DDX43: variants seen among roughly 807,000 people sequenced by gnomAD.
DDX43 encodes the protein DEAD-box helicase 43.
Under a neutral mutation model 84.9 loss-of-function variants are expected in DDX43, and 50 were observed. That is an observed-to-expected ratio of 0.59 (90% CI 0.47 to 0.75). DDX43 has a LOEUF of 0.75. Ranked by LOEUF, DDX43 falls within the 30% of genes least tolerant of loss-of-function variation. The pLI is 0.00. For synonymous variants in DDX43, 291 were observed against 266.3 expected (o/e 1.09, Z -0.90); for missense variants, 689 against 798.6 (o/e 0.86, Z 1.65).
chr6:73,395,927 T>TG (rs1769462405), intron 1 of DDX43, among the ~76,000 whole-genome samples: 1 of 152,052 alleles, frequency 6.6e-6, no homozygotes, highest in Admixed American at 6.6e-5. Flanking sequence ...ACATCTTGAG[T>TG]GTTAACATTC....
intron 7 of DDX43, among the ~76,000 whole-genome samples, chr6:73,407,266 T>C (rs942265195): frequency 2.0e-5 from 3 of 152,084 alleles, no homozygotes; most frequent in African/African-American, 7.2e-5. Context: ...TACAGGCGCC[T>C]GCTGCCATGT....
chr6:73,414,357 T>C (rs934530079), intron 13 of DDX43, among the ~76,000 whole-genome samples, 191 bp from the exon 14 acceptor site: 8 of 152,254 alleles, frequency 5.3e-5, no homozygotes, highest in East Asian at 1.9e-4. Context: ...TCGAAGGGTT[T>C]AGGACCCATT....
At chr6:73,407,852 T>TA in intron 8 of DDX43, 108 bp from the exon 9 acceptor site, 1 of 1,097,162 alleles carries the variant, frequency 9.1e-7, no homozygotes, top group South Asian at 1.5e-5. Flanking sequence ...AAGGGGCAGA[T>TA]ACCCCTAAAG....
intron 1 of DDX43, 143 bp downstream of exon 1, chr6:73,395,298 C>T: frequency 2.7e-6 from 3 of 1,104,952 alleles, no homozygotes; most frequent in Non-Finnish European, 3.8e-6. Context: ...TTTGTAAAAC[C>T]TGGGGATAGA....
In DDX43 at chr6:73,407,599, T is replaced by G; in HGVS notation, c.1021T>G (p.Tyr341Asp). ...QVEGECCKYS[Y>D]KGLRSVCVYG... The stretch of plus-strand genomic sequence containing the variant: ...AGAAGGAGAATGTTGCAAATATTCA[T>G]ATAAAGGGCTTCGGAGGTAAGTAAT... Residue 341 changes from tyrosine (Y) to aspartate (D), a missense_variant, in exon 8 of 17, where the codon TAT becomes GAT. Around this residue, in one of 2 missense-constraint regions of DDX43, gnomAD observed 552 missense variants for 692.7 expected, o/e 0.80. Coordinates refer to ENST00000370336, the MANE Select transcript of DDX43 (RefSeq NM_018665.3). The G allele has an allele frequency of 6.2e-7, 1 of 1,611,068 alleles. No homozygotes were observed. The highest frequency in any genetic ancestry group is 1.1e-5 in the South Asian group (1 of 90,926).
chr6:73,396,240 G>A (rs1024209456), intron 1 of DDX43, among the ~76,000 whole-genome samples: 6 of 152,068 alleles, frequency 3.9e-5, no homozygotes, highest in African/African-American at 1.2e-4. Flanking sequence ...GCGTAAGCCC[G>A]GCCCATTTCT....
At chr6:73,409,091 T>C (rs111280925) in intron 9 of DDX43, among the ~76,000 whole-genome samples, 157 bp from the exon 10 acceptor site, 147 of 152,324 alleles carry the variant, frequency 9.7e-4, no homozygotes, top group African/African-American at 3.4e-3. Context: ...AATGACAAAT[T>C]GCTTAGTATT....
rs1412204556 is a variant in DDX43 at position 73,414,633 on chromosome 6, T to G, written c.1692T>G (p.Phe564Leu). The G allele has an allele frequency of 3.2e-5, 52 of 1,613,988 alleles. No individual in the cohort carries two copies. The Admixed American group carries it at 8.7e-4, about 27-fold the overall frequency. Residue 564 changes from phenylalanine (F) to leucine (L), a missense_variant, in exon 14 of 17, where the codon TTT becomes TTG. By Grantham distance (22) the Phe-to-Leu change is conservative. Transcript: ENST00000370336. ...TTACACATGTCTATAATTTTGACTT[T>G]CCACGGAATATTGAAGAATACGTAC... ...HDVTHVYNFD[F>L]PRNIEEYVHR...
At position 73,394,982 on chromosome 6, in the gene DDX43, C is replaced by T. The variant is rs1769433690; in HGVS notation, c.77C>T (p.Ala26Val). 6.2e-7 allele frequency: 1 copy of T among 1,614,226 alleles called. No homozygotes were observed. The highest frequency in any genetic ancestry group is 8.5e-7 in the Non-Finnish European group (1 of 1,180,038). ...CGGCGAAGCTCGACAGTGTCCCGAGCGCCAGAGAGGAGGCCGGCGGAGGAG... is the reference window on the plus strand; with the variant it reads ...CGGCGAAGCTCGACAGTGTCCCGAGTGCCAGAGAGGAGGCCGGCGGAGGAG... ...ASRRSSTVSRAPERRPAEELN... is the reference protein window; with the variant it reads ...ASRRSSTVSRVPERRPAEELN... The change falls in exon 1 of 17, where the codon GCG becomes GTG. Residue 26 changes from alanine (A) to valine (V), a missense_variant. Transcript: ENST00000370336.
At chr6:73,409,517 A>G (rs1181203076) in intron 10 of DDX43, among the ~76,000 whole-genome samples, 169 bp downstream of exon 10, 4 of 152,244 alleles carry the variant, frequency 2.6e-5, no homozygotes, top group African/African-American at 9.6e-5. Context: ...GTGCTTATTC[A>G]TGACTATTGG....
intron 4 of DDX43, among the ~76,000 whole-genome samples, chr6:73,403,344 C>G (rs1239220680): frequency 6.6e-6 from 1 of 152,114 alleles, no homozygotes; most frequent in African/African-American, 2.4e-5. Context: ...GTGGCACATG[C>G]CTGTAATCCC....
intron 6 of DDX43, 30 bp from the exon 7 acceptor site, chr6:73,406,334 T>C (rs770550274): frequency 1.3e-6 from 2 of 1,517,792 alleles, no homozygotes; most frequent in East Asian, 4.6e-5. Flanking sequence ...AGATGTACTT[T>C]TTGTGTTAAT....
intron 6 of DDX43, among the ~76,000 whole-genome samples, 171 bp downstream of exon 6, chr6:73,406,006 A>AT (rs1341693691): frequency 4.0e-5 from 6 of 151,376 alleles, no homozygotes. Context: ...AAGAAGGAAC[A>AT]GTTGGCAAAA....
chr6:73,411,530 T>G (rs2150799494), intron 10 of DDX43, among the ~76,000 whole-genome samples: 1 of 151,926 alleles, frequency 6.6e-6, no homozygotes, highest in African/African-American at 2.4e-5. Flanking sequence ...ACTTTCCCCA[T>G]GTTGACCAGG....
chr6:73,410,152 C>T (rs553310145), intron 10 of DDX43, among the ~76,000 whole-genome samples: 1 of 152,036 alleles, frequency 6.6e-6, no homozygotes, highest in East Asian at 1.9e-4. Flanking sequence ...AATAACCTTC[C>T]TATTTCAAGA....
chr6:73,404,616 A>ATTTCTGTAGC, intron 4 of DDX43, 74 bp from the exon 5 acceptor site: 3 of 1,122,006 alleles, frequency 2.7e-6, no homozygotes, highest in Non-Finnish European at 2.7e-6. Flanking sequence ...TTGTAGTATG[A>ATTTCTGTAGC]TTTCTGTAGC....
At chr6:73,406,025 CTTT>C (rs149776059) in intron 6 of DDX43, among the ~76,000 whole-genome samples, 190 bp downstream of exon 6, 6 of 135,626 alleles carry the variant, frequency 4.4e-5, no homozygotes, top group Non-Finnish European at 3.2e-5. Flanking sequence ...AAAATATGTA[CTTT>C]TTTTTTTTTT....
In DDX43 at chr6:73,412,293, G is replaced by A; in HGVS notation, c.1368+1G>A. The A allele has an allele frequency of 6.3e-7, 1 of 1,597,782 alleles. No homozygotes were observed. The highest frequency in any genetic ancestry group is 2.2e-5 in the East Asian group (1 of 44,798). ...CTATGTTGGTACATTGGATCTAGTT[G>A]TAAGCTTTTTTTTATTACTATTGTT... On this transcript the variant is annotated splice_donor_variant, in intron 11 of 16. Transcript: ENST00000370336. LOFTEE classifies it high-confidence loss of function.
In DDX43 at chr6:73,415,534, G is replaced by A. The variant is rs1306903595; in HGVS notation, c.1783G>A (p.Asp595Asn). The A allele has an allele frequency of 1.4e-5, 23 of 1,613,594 alleles. No homozygotes were observed. Among genetic ancestry groups the A allele is most frequent in the Non-Finnish European group, 1.8e-5 (21 of 1,179,650 alleles). ...TTCCATTACAACTTTGACTAGAAAT[G>A]ATTGGAGGGTTGCCTCTGAATTGAT... The part of the protein sequence containing the change: ...GVSITTLTRN[D>N]WRVASELINI... Residue 595 changes from aspartate to asparagine, a missense_variant, in exon 15 of 17, where the codon GAT becomes AAT. Asp to Asn is a conservative substitution (Grantham distance 23, BLOSUM62 1). This residue lies in a region of DDX43 where 552 missense variants were observed against 692.7 expected (regional missense o/e 0.80). Transcript: ENST00000370336.
Sources: gnomAD v4.1 joint callset for allele counts (sites outside exome capture counted in the v4.1 genomes callset) on GRCh38, gnomAD v4.1.1 for gene constraint, gnomAD v4.1.1 regional missense constraint, MANE v1.5 for transcripts, NCBI Gene and HGNC (gene_info 2026-07-23, HGNC 2026-07-21) for gene names.